Variants in WDR90 observed in about 807,000 individuals in gnomAD.
WDR90 encodes WD repeat domain 90.
A neutral mutation model predicts 195.2 loss-of-function variants in WDR90; 238 were observed. That is an observed-to-expected ratio of 1.22 (90% CI 1.10 to 1.36). WDR90 has a LOEUF of 1.36. Among genes scored for constraint, WDR90 ranks in the 40% most tolerant of loss-of-function variants. The pLI, the probability that WDR90 is intolerant of heterozygous loss-of-function variation, is 0.00. For missense variants in WDR90, 2,734 were observed against 2,439.5 expected (o/e 1.12, Z -2.54); for synonymous variants, 1,265 against 1,052.4 (o/e 1.20, Z -3.91).
rs201588682 is a variant in WDR90 at position 653,465 on chromosome 16, G to C, written c.1233+14G>C. 3 of 1,612,268 alleles carry C rather than the reference G, an allele frequency of 1.9e-6. No individual in the cohort carries two copies. The highest frequency in any genetic ancestry group is 2.2e-5 in the East Asian group (1 of 44,882). On this transcript the variant is annotated intron_variant, in intron 11 of 40. Coordinates refer to ENST00000293879, the MANE Select transcript of WDR90 (RefSeq NM_145294.5). Reference sequence around the variant, plus strand: ...CACACAGACAAGGTGGGTGCTGCCCGGGCCTGGGGCAGCTCACACCTGCAG... The same window carrying C: ...CACACAGACAAGGTGGGTGCTGCCCCGGCCTGGGGCAGCTCACACCTGCAG...
rs1357282373 is a variant in WDR90 at position 655,330 on chromosome 16, G to A, written c.1580G>A (p.Ser527Asn). Residue 527 changes from serine (S) to asparagine (N), a missense_variant, in exon 15 of 41, where the codon AGT becomes AAT. Coordinates refer to ENST00000293879, the MANE Select transcript of WDR90 (RefSeq NM_145294.5). ...AGGATGGCGTCGTGCGGGCAGGGCA[G>A]TGTGCGGCTCTGGCGGCTGCGTGGC... ...ETRMASCGQG[S>N]VRLWRLRGGV... 1.2e-6 allele frequency: 2 copies of A among 1,604,376 alleles called. No homozygotes were observed. The highest frequency in any genetic ancestry group is 1.3e-5 in the African/African-American group (1 of 75,022).
chr16:649,287 G>T (rs1404035235), upstream of WDR90: 12 of 1,168,964 alleles, frequency 1.0e-5, no homozygotes, highest in Non-Finnish European at 1.3e-5. Flanking sequence ...CACGTGGCCA[G>T]GGCGCCGCCA....
In WDR90 at chr16:649,378, C is replaced by T. The variant is rs948292870; in HGVS notation, c.-39C>T. 5 of 1,328,484 alleles carry T rather than the reference C, an allele frequency of 3.8e-6. No homozygotes were observed. The highest frequency in any genetic ancestry group is 3.1e-5 in the African/African-American group (2 of 65,034). The allele number at this position is 1,328,484 out of a possible 1,614,324, so 82.3% of individuals were successfully genotyped here. ...GTCGCGGGGCGTACTCTGCGCTGGG[C>T]GCGCGGAGGCCTAGGCGGGAAGCTC... On this transcript the variant is annotated 5_prime_UTR_variant, in exon 1 of 41. Transcript: ENST00000293879.
At chr16:659,037 T>G in intron 24 of WDR90, 26 bp downstream of exon 24, 1 of 1,613,114 alleles carries the variant, frequency 6.2e-7, no homozygotes, top group Non-Finnish European at 8.5e-7. Flanking sequence ...CAGCTGTGTC[T>G]GCCTAGGCCC....
In WDR90 at chr16:650,118, G is replaced by A. The variant is rs985688902; in HGVS notation, c.230G>A (p.Arg77Gln). 1.2e-6 allele frequency: 2 copies of A among 1,612,954 alleles called. No homozygotes were observed. The highest frequency in any genetic ancestry group is 1.7e-6 in the Non-Finnish European group (2 of 1,179,980). The change falls in exon 3 of 41, where the codon CGG (arginine) becomes CAG (glutamine). Residue 77 changes from arginine to glutamine, a missense_variant. Coordinates refer to ENST00000293879, the MANE Select transcript of WDR90 (RefSeq NM_145294.5). ...GGACGATACCTGTATGTGCTCTTTC[G>A]GCCCCTGCCCAGCAAGCACTTCGTC... ...LTGRYLYVLF[R>Q]PLPSKHFVIH...
chr16:658,549 T>C lies in WDR90; in HGVS notation c.2791T>C (p.Cys931Arg). Residue 931 changes from cysteine (C) to arginine (R), a missense_variant, in exon 23 of 41, where the codon TGC becomes CGC. Cys to Arg is a radical substitution (Grantham distance 180). Transcript: ENST00000293879. Reference protein sequence around the residue: ...RELPGVHPEPCPSLTLSEDAR... With the variant: ...RELPGVHPEPRPSLTLSEDAR... ...GCTGCCCGGTGTCCACCCTGAGCCC[T>C]GCCCCTCCTTGACGCTCAGTGAGGA... 1 of 1,612,542 alleles carries C rather than the reference T, an allele frequency of 6.2e-7. No homozygotes were observed. The highest frequency in any genetic ancestry group is 1.1e-5 in the South Asian group (1 of 91,066).
rs564922866 is a variant in WDR90, at chr16:655,297, T to C, written c.1557-10T>C. On this transcript the variant is annotated splice_polypyrimidine_tract_variant and intron_variant, in intron 14 of 40. Coordinates refer to ENST00000293879, the MANE Select transcript of WDR90 (RefSeq NM_145294.5). ...GAGCTGCGGCAGTGCTCAGTCCTCA[T>C]TCCTTGCAGGATGGCGTCGTGCGGG... is the stretch of plus-strand genomic sequence containing the variant. 14 of 1,608,012 alleles carry C rather than the reference T, an allele frequency of 8.7e-6. No homozygotes were observed. In the African/African-American group the frequency reaches 1.6e-4, roughly 18 times the overall value.
rs1238193666 is a variant in WDR90 at position 655,040 on chromosome 16, C to A, written c.1449C>A (p.Ala483=). The stretch of plus-strand genomic sequence containing the variant: ...TGGGCTTGTTGCAGATGGTGGTGGC[C>A]TGGGGCACCGGCCAGGTGGGCCTCG... The part of the protein sequence containing the change: ...KDHHGRTMVV[A]WGTGQVGLGG... Residue 483 remains alanine (A), a synonymous_variant, in exon 14 of 41, where the codon GCC becomes GCA. Transcript: ENST00000293879. 14 of 1,612,434 alleles carry A rather than the reference C, an allele frequency of 8.7e-6. 1 individual carries two copies. The South Asian group carries it at 1.5e-4, about 18-fold the overall frequency.
rs376294163 is a variant in WDR90, at chr16:659,270, C to T, written c.3078C>T (p.Asp1026=). The change falls in exon 26 of 41, where the codon GAC becomes GAT. Residue 1026 remains aspartate (D), a synonymous_variant. Transcript: ENST00000293879. The part of the protein sequence containing the change: ...KTGPGAGPLE[D]AASRASELPR... ...GCCCGGGCGCAGGACCGCTGGAGGA[C>T]GCAGCGTCCAGGGCCAGCGAGCTCC... The T allele has an allele frequency of 4.7e-5, 75 of 1,610,294 alleles. No individual in the cohort carries two copies. Among genetic ancestry groups the T allele is most frequent in the Non-Finnish European group, 5.1e-5 (60 of 1,179,070 alleles).
intron 34 of WDR90, chr16:665,372 C>T (rs577892743): frequency 3.5e-6 from 2 of 574,080 alleles, no homozygotes; most frequent in South Asian, 2.1e-5. Context: ...CAGCCTCAGT[C>T]TGTAGCCTGC....
At chr16:665,268 CA>C (rs2037998535) in intron 34 of WDR90, 1 of 389,976 alleles carries the variant, frequency 2.6e-6, no homozygotes, top group African/African-American at 2.2e-5. Context: ...CTTTCAGCCT[CA>C]GTCTGCAGCC....
intron 40 of WDR90, 122 bp from the exon 41 acceptor site, chr16:667,310 C>T (rs2038116402): frequency 3.0e-6 from 4 of 1,339,540 alleles, no homozygotes; most frequent in South Asian, 1.5e-5. Context: ...AGCCAGGAGC[C>T]CTTTTAGCAC....
At chr16:664,835 A>T (rs1453017055) in intron 34 of WDR90, among the ~76,000 whole-genome samples, 3 of 151,844 alleles carry the variant, frequency 2.0e-5, no homozygotes, top group Non-Finnish European at 4.4e-5. Context: ...ACCCGCCACC[A>T]CGCCCGACTA....
In WDR90 at chr16:662,005, G is replaced by A; in HGVS notation, c.3979G>A (p.Asp1327Asn). ...GTSSGQVCVWDTRAGRCFLSW... is the reference protein window; with the variant it reads ...GTSSGQVCVWNTRAGRCFLSW... ...CAGCTCTGGCCAGGTCTGTGTCTGG[G>A]ACACGCGTGCCGGCCGCTGCTTCTT... The change falls in exon 32 of 41, where the codon GAC becomes AAC. Residue 1327 changes from aspartate to asparagine, a missense_variant. Transcript: ENST00000293879. 3 of 1,604,290 alleles carry A rather than the reference G, an allele frequency of 1.9e-6. No homozygotes were observed. Among genetic ancestry groups the A allele is most frequent in the African/African-American group, 1.3e-5 (1 of 75,052 alleles).
In WDR90 at chr16:658,906, G is replaced by C. The variant is rs1472672676; in HGVS notation, c.2906G>C (p.Gly969Ala). ...CGCCGCTACCCCTAGGTGTACATCG[G>C]CCACTCGGAACCCGTGCAGGCTGTG... ...QASPGPQVYIGHSEPVQAVAF... is the reference protein window; with the variant it reads ...QASPGPQVYIAHSEPVQAVAF... The change falls in exon 24 of 41, where the codon GGC (glycine) becomes GCC (alanine). Residue 969 changes from glycine (G) to alanine (A), a missense_variant. Transcript: ENST00000293879. The C allele has an allele frequency of 6.2e-7, 1 of 1,611,964 alleles. No individual in the cohort carries two copies. The highest frequency in any genetic ancestry group is 2.2e-5 in the East Asian group (1 of 44,876).
chr16:652,328 C>T, intron 9 of WDR90, 139 bp from the exon 10 acceptor site: 1 of 1,050,956 alleles, frequency 9.5e-7, no homozygotes, highest in Non-Finnish European at 1.4e-6. Context: ...CTTACCACAG[C>T]CAGCAGGAGC....
At chr16:654,652 A>T in intron 13 of WDR90, 1 of 218,796 alleles carries the variant, frequency 4.6e-6, no homozygotes, top group South Asian at 1.0e-4. Context: ...GTTTCATTAC[A>T]TTGCTCAGGC....
chr16:651,253 C>A lies in WDR90; in HGVS notation c.723C>A (p.Ser241=). ...VPSKPIEKSC[S]PPEAVLLGPG... is the part of the protein sequence containing the mutation. ...CCAAGCCGATTGAGAAGAGCTGTTC[C>A]CCTCCTGAGGCAGGTGGGTCTGGGG... The change falls in exon 7 of 41, where the codon TCC becomes TCA. Residue 241 remains serine (S), a synonymous_variant. Transcript: ENST00000293879. 1 of 1,613,108 alleles carries A rather than the reference C, an allele frequency of 6.2e-7. No homozygotes were observed. Among genetic ancestry groups the A allele is most frequent in the Non-Finnish European group, 8.5e-7 (1 of 1,179,972 alleles).
chr16:653,680 G>C lies in WDR90; in HGVS notation c.1379+10G>C. The C allele has an allele frequency of 6.2e-7, 1 of 1,613,356 alleles. No homozygotes were observed. Among genetic ancestry groups the C allele is most frequent in the Non-Finnish European group, 8.5e-7 (1 of 1,179,878 alleles). On this transcript the variant is annotated intron_variant, in intron 12 of 40. Transcript: ENST00000293879. ...TTGTCTGCTCTCTCAGGTGAGCACAGGTCTGCCCCATGCAGGGGGAGGGGG... is the reference window on the plus strand; with the variant it reads ...TTGTCTGCTCTCTCAGGTGAGCACACGTCTGCCCCATGCAGGGGGAGGGGG...
Sources: gnomAD v4.1 joint callset for allele counts (sites outside exome capture counted in the v4.1 genomes callset) on GRCh38, gnomAD v4.1.1 for gene constraint, MANE v1.5 for transcripts, NCBI Gene and HGNC (gene_info 2026-07-23, HGNC 2026-07-21) for gene names.